The following NUCB2 variants were observed in gnomAD, a reference collection of about 807,000 sequenced individuals.
The protein encoded by NUCB2 is nucleobindin 2.
A neutral mutation model predicts 57.9 loss-of-function variants in NUCB2; 48 were observed. The observed-to-expected ratio is 0.83, with a 90% CI of 0.66 to 1.05. The LOEUF (loss-of-function observed/expected upper bound fraction) is 1.05, where lower values mean the gene tolerates loss of function less well. NUCB2 is among the 50% of genes least tolerant of loss of function. NUCB2 has a pLI of 0.00. For missense variants in NUCB2, 442 were observed against 476.2 expected, an observed-to-expected ratio of 0.93 and a Z score of 0.67; for synonymous variants, 139 against 152.1, an observed-to-expected ratio of 0.91 and a Z score of 0.64.
intron 11 of NUCB2, among the ~76,000 whole-genome samples, chr11:17,328,183 G>T (rs896041370): frequency 3.3e-5 from 5 of 152,196 alleles, no homozygotes; most frequent in Non-Finnish European, 7.4e-5. Context: ...AGATCCAGAA[G>T]AATTCTCTAG....
intron 2 of NUCB2, among the ~76,000 whole-genome samples, chr11:17,340,963 G>A (rs1952214350): frequency 6.6e-6 from 1 of 152,218 alleles, no homozygotes; most frequent in South Asian, 2.1e-4. Context: ...AGCATGGAAT[G>A]TTCTTCCATT....
chr11:17,315,486 C>G lies in NUCB2; in HGVS notation c.1002+11C>G, dbSNP rs1408055061. The G allele has an allele frequency of 6.5e-7, 1 of 1,545,758 alleles. No individual in the cohort carries two copies. The highest frequency in any genetic ancestry group is 8.9e-7 in the Non-Finnish European group (1 of 1,120,308). The stretch of plus-strand genomic sequence containing the variant: ...CCAGATAGCTGGGAGGTAATAGAAC[C>G]TACTCTAAATGAGATGTATGGTTCA... On this transcript the variant is annotated intron_variant, in intron 11 of 13. Coordinates refer to ENST00000529010, the MANE Select transcript of NUCB2 (RefSeq NM_005013.4).
intron 2 of NUCB2, among the ~76,000 whole-genome samples, chr11:17,289,672 A>G (rs954182457): frequency 6.6e-6 from 1 of 152,216 alleles, no homozygotes; most frequent in Non-Finnish European, 1.5e-5. Context: ...ATCATTTTAT[A>G]ATTTAATGTT....
intron 2 of NUCB2, among the ~76,000 whole-genome samples, chr11:17,347,889 CTG>C (rs1952871314): frequency 6.6e-6 from 1 of 152,160 alleles, no homozygotes. Flanking sequence ...CTATGCCTGG[CTG>C]TTACCTAATG....
chr11:17,285,209 C>T (rs1943441600), intron 2 of NUCB2, among the ~76,000 whole-genome samples: 3 of 152,126 alleles, frequency 2.0e-5, no homozygotes, highest in Middle Eastern at 3.4e-3. Context: ...GGGCAGATCA[C>T]AAGGTCAGGA....
intron 11 of NUCB2, among the ~76,000 whole-genome samples, chr11:17,322,216 A>G (rs1950115873): frequency 6.6e-6 from 1 of 152,076 alleles, no homozygotes; most frequent in Non-Finnish European, 1.5e-5. Context: ...TAGTAGTTTG[A>G]TAGTTTGAGG....
downstream of NUCB2, among the ~76,000 whole-genome samples, chr11:17,336,990 G>C (rs1169624115): frequency 6.6e-6 from 1 of 151,684 alleles, no homozygotes; most frequent in Admixed American, 6.6e-5. Flanking sequence ...ATCCAGGCTG[G>C]AGTACAGTGG....
chr11:17,336,228 C>A (rs1241386527), downstream of NUCB2, among the ~76,000 whole-genome samples: 1 of 152,036 alleles, frequency 6.6e-6, no homozygotes, highest in African/African-American at 2.4e-5. Context: ...CAGGTGTGAG[C>A]CACCACGCCC....
chr11:17,293,345 CTTAT>C (rs1238490954), intron 2 of NUCB2, among the ~76,000 whole-genome samples: 2 of 151,566 alleles, frequency 1.3e-5, no homozygotes, highest in Admixed American at 6.6e-5. Flanking sequence ...GACTTTCCTT[CTTAT>C]TTATGGTAGT....
At chr11:17,296,282 CATAT>C (rs1945807720) in intron 4 of NUCB2, 71 bp downstream of exon 4, 1 of 830,648 alleles carries the variant, frequency 1.2e-6, no homozygotes, top group South Asian at 2.1e-5. Context: ...GAGGTCTCAC[CATAT>C]AACCCAGGTT....
At chr11:17,324,759 C>G (rs895244034) in intron 11 of NUCB2, among the ~76,000 whole-genome samples, 4 of 151,128 alleles carry the variant, frequency 2.6e-5, no homozygotes, top group African/African-American at 9.8e-5. Context: ...TGTTTTGTGA[C>G]CTAGCATATT....
chr11:17,336,184 C>G (rs1951786907), downstream of NUCB2, among the ~76,000 whole-genome samples: 2 of 151,806 alleles, frequency 1.3e-5, no homozygotes, highest in African/African-American at 4.8e-5. Context: ...CTCAAGTGAT[C>G]CCCCCACCTT....
intron 4 of NUCB2, among the ~76,000 whole-genome samples, chr11:17,299,134 A>G (rs1329769590): frequency 6.6e-6 from 1 of 152,246 alleles, no homozygotes; most frequent in African/African-American, 2.4e-5. Flanking sequence ...GAGGGCATCC[A>G]TGACTTCTTA....
Position 17,310,881 on chromosome 11 carries a change from T to C in NUCB2, c.540T>C (p.Tyr180=), listed in dbSNP as rs771577954. ...CTCGTCATGAAGAATTTAAAAAATA[T>C]GAAATGATGAAGGAACATGAAAGGA... ...DKTRHEEFKK[Y]EMMKEHERRE... is the part of the protein sequence containing the mutation. The change falls in exon 7 of 14, where the codon TAT becomes TAC. Residue 180 remains tyrosine (Y), a synonymous_variant. Coordinates refer to ENST00000529010, the MANE Select transcript of NUCB2 (RefSeq NM_005013.4). 9 of 1,594,104 alleles carry C rather than the reference T, an allele frequency of 5.6e-6. No homozygotes were observed. Among genetic ancestry groups the C allele is most frequent in the African/African-American group, 1.4e-5 (1 of 73,322 alleles).
At chr11:17,280,054 A>G (rs1345656060) in intron 1 of NUCB2, among the ~76,000 whole-genome samples, 1 of 151,950 alleles carries the variant, frequency 6.6e-6, no homozygotes, top group African/African-American at 2.4e-5. Context: ...TGGCCTCCCA[A>G]AGTGCTGGAA....
intron 10 of NUCB2, among the ~76,000 whole-genome samples, chr11:17,314,462 T>C (rs1948956687): frequency 6.6e-6 from 1 of 152,182 alleles, no homozygotes; most frequent in Non-Finnish European, 1.5e-5. Flanking sequence ...TGACTCTCTC[T>C]CCTCTGGCCT....
chr11:17,277,133 G>T (rs1198562544), intron 1 of NUCB2: 1 of 152,350 alleles, frequency 6.6e-6, no homozygotes, highest in Non-Finnish European at 1.5e-5. Context: ...GGTCCCTTCG[G>T]GTTTGGGCAG....
intron 2 of NUCB2, among the ~76,000 whole-genome samples, chr11:17,338,133 C>T (rs906351828): frequency 1.3e-5 from 2 of 152,182 alleles, no homozygotes; most frequent in Admixed American, 6.5e-5. Context: ...TATATTGTTT[C>T]TAGCATTGCC....
intron 2 of NUCB2, among the ~76,000 whole-genome samples, chr11:17,343,068 T>C (rs1952419383): frequency 1.3e-5 from 2 of 152,060 alleles, no homozygotes; most frequent in Admixed American, 1.3e-4. Context: ...CATTATGTAA[T>C]GGCCTTCTTT....
Sources: allele counts gnomAD v4.1 joint callset (sites outside exome capture counted in the v4.1 genomes callset), GRCh38; gene constraint gnomAD v4.1.1; transcripts MANE v1.5; gene names NCBI Gene and HGNC (gene_info 2026-07-23, HGNC 2026-07-21).